Variants in PRKN observed in about 807,000 individuals in gnomAD.
PRKN encodes parkin RBR E3 ubiquitin protein ligase, also known as E3 ubiquitin-protein ligase parkin.
Under a neutral mutation model 59.5 loss-of-function variants are expected in PRKN, and 56 were observed. The ratio of observed to expected loss-of-function variants is 0.94; its 90% CI spans 0.76 to 1.18. The LOEUF (loss-of-function observed/expected upper bound fraction) is 1.18. Among genes scored for constraint, PRKN ranks in the 50% most tolerant of loss-of-function variants. PRKN has a pLI of 0.00. For synonymous variants in PRKN, 250 were observed against 222.1 expected (o/e 1.13, Z -1.12); for missense variants, 657 against 596.4 (o/e 1.10, Z -1.06).
chr6:162,222,731 G>C (rs1777989012), intron 3 of PRKN, among the ~76,000 whole-genome samples: 1 of 152,160 alleles, frequency 6.6e-6, no homozygotes, highest in Admixed American at 6.5e-5. Context: ...GAAATTGTGA[G>C]ATCATAAATG....
At chr6:162,616,976 T>C (rs563847428) in intron 1 of PRKN, among the ~76,000 whole-genome samples, 313 of 152,302 alleles carry the variant, frequency 2.1e-3, no homozygotes, top group African/African-American at 7.2e-3. Context: ...AACACTTGCA[T>C]TGTTAAGCAG....
rs1554275154 is a variant in PRKN, at chr6:161,550,738, C to CATGTGTGTGTGTGT, written c.934-1736_934-1735insACACACACACACAT. ...AAGAAAGGGTATGTGTGTGTGTGCA[C>CATGTGTGTGTGTGT]GTGTGTGTGTGTGTGTGTGTGTGTA... On this transcript the variant is annotated intron_variant, in intron 8 of 11. Coordinates refer to ENST00000366898, the MANE Select transcript of PRKN (RefSeq NM_004562.3). This position sits in a 1 kb window ranked among gnomAD's most constrained non-coding sequence, Gnocchi z 4.0. Among the ~76,000 whole-genome samples the CATGTGTGTGTGTGT allele has an allele frequency of 1.4e-5, 2 of 146,192 alleles. No homozygotes were observed. Among genetic ancestry groups the CATGTGTGTGTGTGT allele is most frequent in the Non-Finnish European group, 3.0e-5 (2 of 66,762 alleles).
intron 1 of PRKN, among the ~76,000 whole-genome samples, chr6:162,577,596 T>A (rs926954410): frequency 6.8e-6 from 1 of 147,064 alleles, no homozygotes; most frequent in Admixed American, 7.0e-5. Context: ...CAAGACTCTG[T>A]CTCAAAATAA....
rs531807176 is a variant in PRKN at position 161,821,719 on chromosome 6, C to CTTTTTTTTTTTTTTTTTT, written c.735-35829_735-35812dup. 2.6e-4 allele frequency among the ~76,000 whole-genome samples: 17 copies of CTTTTTTTTTTTTTTTTTT among 64,704 alleles called. 2 individuals carry two copies. The highest frequency in any genetic ancestry group is 5.1e-4 in the East Asian group (1 of 1,944). 42.4% of individuals were successfully genotyped at this position (64,704 alleles called of 152,430 possible). A position where few individuals can be genotyped will look rare whatever the true frequency, so the allele number is the denominator to read the frequency against. On this transcript the variant is annotated intron_variant, in intron 6 of 11. Transcript: ENST00000366898. ...TTTGGAAAATATTTCCACTGGTGTT[C>CTTTTTTTTTTTTTTTTTT]TTTTTTTTTTTTTTTTTTTTTTTTT...
chr6:161,977,435 A>G (rs866176503), intron 5 of PRKN, among the ~76,000 whole-genome samples: 1 of 152,018 alleles, frequency 6.6e-6, no homozygotes, highest in African/African-American at 2.4e-5. Context: ...TAAGCAAGTC[A>G]TCTTTTCATC....
Position 161,576,148 on chromosome 6 carries a change from G to C in PRKN, c.872-6732C>G, listed in dbSNP as rs1272187416. On this transcript the variant is annotated intron_variant, in intron 7 of 11. Coordinates refer to ENST00000366898, the MANE Select transcript of PRKN (RefSeq NM_004562.3). This position sits in a 1 kb window ranked among gnomAD's most constrained non-coding sequence, Gnocchi z 4.6. ...CCTGGAAAACTCACTAAGCTGTCTC[G>C]ACAGAGTAATTGCATTCAGTCAGCA... Among the ~76,000 whole-genome samples the C allele has an allele frequency of 1.3e-5, 2 of 152,174 alleles. No homozygotes were observed. Among genetic ancestry groups the C allele is most frequent in the African/African-American group, 4.8e-5 (2 of 41,440 alleles).
At chr6:162,262,053 G>T (rs557503876) in intron 3 of PRKN, among the ~76,000 whole-genome samples, 3 of 152,026 alleles carry the variant, frequency 2.0e-5, no homozygotes, top group Non-Finnish European at 4.4e-5. Flanking sequence ...TGACTATTTA[G>T]ATTAGAGAAT....
chr6:162,313,788 C>T (rs1301130376), intron 2 of PRKN, among the ~76,000 whole-genome samples: 1 of 152,040 alleles, frequency 6.6e-6, no homozygotes, highest in African/African-American at 2.4e-5. Context: ...TGCCCAGCCG[C>T]TGCATCAGAT....
At chr6:162,173,255 C>T (rs536560501) in intron 4 of PRKN, among the ~76,000 whole-genome samples, 1 of 150,328 alleles carries the variant, frequency 6.7e-6, no homozygotes, top group Admixed American at 6.6e-5. Flanking sequence ...ACAGTCATTG[C>T]CCCCAGATTC....
intron 10 of PRKN, among the ~76,000 whole-genome samples, chr6:161,383,465 G>A (rs1786085145): frequency 6.6e-6 from 1 of 152,220 alleles, no homozygotes; most frequent in Admixed American, 6.5e-5. Flanking sequence ...GATCCCTTGT[G>A]TCTGGCTTCG....
chr6:162,693,439 TG>T (rs1278138675), intron 1 of PRKN, among the ~76,000 whole-genome samples: 1 of 152,214 alleles, frequency 6.6e-6, no homozygotes, highest in African/African-American at 2.4e-5. Flanking sequence ...CCTCTTCACA[TG>T]GTTTTGGGCT....
chr6:162,564,507 A>C (rs1779979627), intron 1 of PRKN, among the ~76,000 whole-genome samples: 1 of 152,202 alleles, frequency 6.6e-6, no homozygotes, highest in Non-Finnish European at 1.5e-5. Flanking sequence ...AAGGTTACAG[A>C]ACACCAAGGA....
chr6:162,229,274 A>G (rs1583231701), intron 3 of PRKN, among the ~76,000 whole-genome samples: 1 of 152,098 alleles, frequency 6.6e-6, no homozygotes, highest in Non-Finnish European at 1.5e-5. Flanking sequence ...CAGGTGTTCA[A>G]GTAACTGTGA....
intron 1 of PRKN, among the ~76,000 whole-genome samples, chr6:162,677,291 C>T (rs181206978): frequency 4.7e-4 from 72 of 151,824 alleles, no homozygotes; most frequent in South Asian, 1.9e-3. Flanking sequence ...AAAAGACAGA[C>T]GGGCAAGGGC....
At chr6:161,821,994 C>T (rs569728354) in intron 6 of PRKN, among the ~76,000 whole-genome samples, 2 of 152,082 alleles carry the variant, frequency 1.3e-5, no homozygotes, top group African/African-American at 4.8e-5. Context: ...GATGATCCAC[C>T]TGCCTGGCCC....
intron 1 of PRKN, among the ~76,000 whole-genome samples, chr6:162,665,924 A>G (rs1036568231): frequency 6.6e-6 from 1 of 152,160 alleles, no homozygotes; most frequent in African/African-American, 2.4e-5. Flanking sequence ...AAAACAAGCA[A>G]TGGGAAAAGG....
intron 6 of PRKN, among the ~76,000 whole-genome samples, chr6:161,959,994 C>T (rs977521796): frequency 1.2e-4 from 18 of 152,300 alleles, no homozygotes; most frequent in African/African-American, 4.1e-4. Context: ...TGCACACCTA[C>T]AGACCTTCTG....
chr6:162,192,337 T>A (rs1240724811), intron 4 of PRKN, among the ~76,000 whole-genome samples: 1 of 151,786 alleles, frequency 6.6e-6, no homozygotes, highest in East Asian at 1.9e-4. Context: ...GATATGCATA[T>A]GTGAAATTAG....
chr6:162,095,428 G>T (rs1172263028), intron 4 of PRKN, among the ~76,000 whole-genome samples: 1 of 152,098 alleles, frequency 6.6e-6, no homozygotes, highest in African/African-American at 2.4e-5. Flanking sequence ...TTGGTATGCA[G>T]CACACCATAT....
Sources: allele counts gnomAD v4.1 joint callset (sites outside exome capture counted in the v4.1 genomes callset), GRCh38; gene constraint gnomAD v4.1.1; non-coding constraint Gnocchi (gnomAD v3.1); transcripts MANE v1.5; gene names NCBI Gene and HGNC (gene_info 2026-07-23, HGNC 2026-07-21).